Variants in SHTN1 observed in about 807,000 individuals in gnomAD.
The protein encoded by SHTN1 is shootin 1, also known as shootin-1.
In SHTN1, 42 loss-of-function variants were observed where a neutral mutation model predicts 83.1. The ratio of observed to expected loss-of-function variants is 0.51; its 90% confidence interval spans 0.39 to 0.65. The LOEUF (loss-of-function observed/expected upper bound fraction) is 0.65. Ranked by LOEUF, SHTN1 falls within the 30% of genes least tolerant of loss-of-function variation. The pLI is 0.00. For missense variants in SHTN1, 622 were observed against 737.8 expected (o/e 0.84, Z 1.82); for synonymous variants, 224 against 247.7 (o/e 0.90, Z 0.90).
Position 116,881,690 on chromosome 10 carries a change from C to T in SHTN1, c.*4654G>A, listed in dbSNP as rs906049951. The T allele has an allele frequency of 2.0e-6, 3 of 1,465,106 alleles. No homozygotes were observed. Among genetic ancestry groups the T allele is most frequent in the African/African-American group, 2.9e-5 (2 of 69,888 alleles). 90.8% of individuals were successfully genotyped at this position (1,465,106 alleles called of 1,614,324 possible). A position where few individuals can be genotyped will look rare whatever the true frequency, so the allele number is the denominator to read the frequency against. ...GATAGGGCTGTACACACCCCAGGTT[C>T]CAGCCACACCATCAGTATTAGTAGA... On this transcript the variant is annotated 3_prime_UTR_variant, in exon 17 of 17. Transcript: ENST00000355371.
rs1242065406 is a variant in SHTN1, at chr10:116,901,919, T to C, written c.1519A>G (p.Met507Val). 2 of 1,606,052 alleles carry C rather than the reference T, an allele frequency of 1.2e-6. No individual in the cohort carries two copies. Among genetic ancestry groups the C allele is most frequent in the Admixed American group, 1.7e-5 (1 of 58,240 alleles). Residue 507 changes from methionine to valine, a missense_variant, in exon 16 of 17, where the codon ATG becomes GTG. By Grantham distance (21) the Met-to-Val change is conservative. Around this residue, in one of 3 missense-constraint regions of SHTN1, gnomAD observed 231 missense variants for 251.6 expected, o/e 0.92. Transcript: ENST00000355371. ...GILATSESKSMPVLGSVSSVT... is the reference protein window; with the variant it reads ...GILATSESKSVPVLGSVSSVT... ...CTGGATACAGAACCCAACACTGGCA[T>C]GGATTTGGACTCTGAGGTGGCTAAT...
chr10:116,953,937 A>T, intron 5 of SHTN1, 105 bp downstream of exon 5: 1 of 965,574 alleles, frequency 1.0e-6, no homozygotes, highest in Non-Finnish European at 1.5e-6. Context: ...CCTAGGCATC[A>T]GTATTTTGAA....
At chr10:117,005,225 C>T, upstream of SHTN1, 1 of 1,500,142 alleles carries the variant, frequency 6.7e-7, no homozygotes, top group South Asian at 1.3e-5. Flanking sequence ...CCTCCTGGCG[C>T]GGAGCGCGCG....
intron 1 of SHTN1, among the ~76,000 whole-genome samples, chr10:117,069,833 G>C (rs1853055471): frequency 6.6e-6 from 1 of 152,228 alleles, no homozygotes; most frequent in South Asian, 2.1e-4. Context: ...CAAAGCAAAT[G>C]AATCAGCAAC....
chr10:117,107,167 G>A (rs536182277), intron 1 of SHTN1, among the ~76,000 whole-genome samples: 1 of 152,202 alleles, frequency 6.6e-6, no homozygotes, highest in East Asian at 1.9e-4. Flanking sequence ...ACTCCTTTAC[G>A]TGGATGACAG....
chr10:116,964,443 T>C (rs918457020), intron 3 of SHTN1, among the ~76,000 whole-genome samples: 2 of 152,246 alleles, frequency 1.3e-5, no homozygotes, highest in African/African-American at 4.8e-5. Context: ...TAATTCATTA[T>C]ACAAGGTGTC....
In SHTN1 at chr10:116,900,629, G is replaced by A. The variant is rs1847697155; in HGVS notation, c.1673+1136C>T. On this transcript the variant is annotated intron_variant, in intron 16 of 16. Transcript: ENST00000355371. ...CTTGTCTCAGCCAAATTGCTTTTGT[G>A]TCTGGATATTGGTTCAAATGTAGCC... 11 of 1,522,536 alleles carry A rather than the reference G, an allele frequency of 7.2e-6. No individual in the cohort carries two copies. In the South Asian group the frequency reaches 1.2e-4, roughly 17 times the overall value. 94.3% of individuals were successfully genotyped at this position (1,522,536 alleles called of 1,614,324 possible).
Position 117,079,135 on chromosome 10 carries a change from C to T in SHTN1, c.-188-30625G>A, listed in dbSNP as rs558686843. 6.2e-3 allele frequency among the ~76,000 whole-genome samples: 935 copies of T among 151,432 alleles called. 11 individuals carry two copies. The highest frequency in any genetic ancestry group is 0.022 in the African/African-American group (904 of 41,180). ...GTGCCATGCTGGTGTGCTGCACCCA[C>T]TAACTCGTCATCTAGCATCAGGTAT... On this transcript the variant is annotated intron_variant, in intron 1 of 17. Coordinates refer to the SHTN1 transcript ENST00000392901.
At chr10:117,042,143 T>G (rs1461414797) in intron 2 of SHTN1, among the ~76,000 whole-genome samples, 4 of 152,216 alleles carry the variant, frequency 2.6e-5, no homozygotes, top group African/African-American at 7.2e-5. Flanking sequence ...ATTTTTCCTT[T>G]GATATTTACA....
At chr10:117,050,681 C>A (rs1852727009) in intron 1 of SHTN1, among the ~76,000 whole-genome samples, 1 of 151,520 alleles carries the variant, frequency 6.6e-6, no homozygotes, top group African/African-American at 2.4e-5. Flanking sequence ...AATGGACAAA[C>A]CTTAGCTAGA....
intron 1 of SHTN1, among the ~76,000 whole-genome samples, chr10:117,072,285 T>C (rs969813576): frequency 6.6e-6 from 1 of 152,164 alleles, no homozygotes; most frequent in African/African-American, 2.4e-5. Context: ...TGTGGGACTT[T>C]GTGATTGTGG....
intron 1 of SHTN1, among the ~76,000 whole-genome samples, chr10:116,990,143 A>T (rs1486536054): frequency 6.6e-6 from 1 of 152,120 alleles, no homozygotes; most frequent in East Asian, 1.9e-4. Flanking sequence ...CAGGAAAAAA[A>T]ATTTGAAATT....
At chr10:117,033,727 A>C (rs1201626395) in intron 2 of SHTN1, among the ~76,000 whole-genome samples, 1 of 151,886 alleles carries the variant, frequency 6.6e-6, no homozygotes, top group Admixed American at 6.6e-5. Flanking sequence ...ACATCAAAAA[A>C]AAGGAAACTA....
At chr10:116,912,521 T>G (rs1288128039) in intron 13 of SHTN1, among the ~76,000 whole-genome samples, 1 of 152,206 alleles carries the variant, frequency 6.6e-6, no homozygotes, top group African/African-American at 2.4e-5. Context: ...TTAGGTGTCT[T>G]GATTACAAGC....
intron 2 of SHTN1, among the ~76,000 whole-genome samples, chr10:117,032,474 G>A (rs1457655636): frequency 2.0e-5 from 3 of 152,020 alleles, no homozygotes; most frequent in African/African-American, 7.2e-5. Flanking sequence ...AAAGTGCTGG[G>A]ATTACAGACA....
intron 7 of SHTN1, among the ~76,000 whole-genome samples, chr10:116,947,545 TA>T (rs539823117): frequency 4.7e-4 from 72 of 152,290 alleles, no homozygotes; most frequent in African/African-American, 1.6e-3. Context: ...CCCTGAGAGC[TA>T]AATGATTTTC....
At chr10:117,025,628 C>T (rs548501017) in intron 2 of SHTN1, among the ~76,000 whole-genome samples, 4 of 152,232 alleles carry the variant, frequency 2.6e-5, no homozygotes, top group Admixed American at 1.3e-4. Flanking sequence ...GGCTGCACAT[C>T]TCAAGGCTCC....
At chr10:116,978,563 T>C (rs1850894325) in intron 2 of SHTN1, among the ~76,000 whole-genome samples, 1 of 151,656 alleles carries the variant, frequency 6.6e-6, no homozygotes, top group South Asian at 2.1e-4. Context: ...AGTCTGTTCT[T>C]CCATTTGTCT....
chr10:117,056,545 C>G (rs775863161), intron 1 of SHTN1, among the ~76,000 whole-genome samples: 4 of 152,122 alleles, frequency 2.6e-5, no homozygotes, highest in Non-Finnish European at 5.9e-5. Context: ...CGTGGTGGCT[C>G]ACACCTGTAA....
Sources: gnomAD v4.1 joint callset for allele counts (sites outside exome capture counted in the v4.1 genomes callset) on GRCh38, gnomAD v4.1.1 for gene constraint, gnomAD v4.1.1 regional missense constraint, MANE v1.5 for transcripts, NCBI Gene and HGNC (gene_info 2026-07-23, HGNC 2026-07-21) for gene names.